The following PTPRD variants were observed in gnomAD, a reference collection of about 807,000 sequenced individuals.
PTPRD encodes the protein protein tyrosine phosphatase receptor type D, also known as receptor-type tyrosine-protein phosphatase delta.
In PTPRD, 34 loss-of-function variants were observed where a neutral mutation model predicts 214.5. The observed-to-expected ratio is 0.16, with a 90% confidence interval of 0.12 to 0.21. The LOEUF (loss-of-function observed/expected upper bound fraction) is 0.21. Ranked by LOEUF, PTPRD falls within the 10% of genes least tolerant of loss-of-function variation. The pLI is 1.00. For missense variants in PTPRD, 2,545 were observed against 2,398.7 expected, an observed-to-expected ratio of 1.06 and a Z score of -1.27; for synonymous variants, 1,128 against 845.7, an observed-to-expected ratio of 1.33 and a Z score of -5.79.
chr9:9,424,230 T>G (rs1441070011), intron 8 of PTPRD, among the ~76,000 whole-genome samples: 1 of 152,230 alleles, frequency 6.6e-6, no homozygotes, highest in Non-Finnish European at 1.5e-5. Context: ...CTCTGCCCAT[T>G]CAGACTTCTT....
At chr9:8,995,831 A>G (rs1210833377) in intron 11 of PTPRD, among the ~76,000 whole-genome samples, 1 of 152,078 alleles carries the variant, frequency 6.6e-6, no homozygotes, top group Non-Finnish European at 1.5e-5. Context: ...GTCTATTTCC[A>G]TGAGCTGAGG....
intron 11 of PTPRD, among the ~76,000 whole-genome samples, chr9:8,809,160 C>T (rs2096749806): frequency 6.6e-6 from 1 of 152,120 alleles, no homozygotes; most frequent in Non-Finnish European, 1.5e-5. Context: ...TATACTTCAT[C>T]TATCTCCACA....
chr9:10,037,360 T>C (rs2097203806), intron 3 of PTPRD, among the ~76,000 whole-genome samples: 1 of 151,860 alleles, frequency 6.6e-6, no homozygotes, highest in Non-Finnish European at 1.5e-5. Flanking sequence ...CAGGAGTGAG[T>C]AACAATGAGA....
chr9:9,484,534 G>T (rs150310551), intron 8 of PTPRD, among the ~76,000 whole-genome samples: 1 of 152,218 alleles, frequency 6.6e-6, no homozygotes, highest in African/African-American at 2.4e-5. Context: ...GTTTGTTGCT[G>T]AATGTAAATC....
At chr9:9,734,863 C>T (rs1402897603) in intron 6 of PTPRD, among the ~76,000 whole-genome samples, 1 of 151,902 alleles carries the variant, frequency 6.6e-6, no homozygotes, top group East Asian at 1.9e-4. Flanking sequence ...TCTTTAAGTT[C>T]TCAAAGAAGG....
intron 5 of PTPRD, among the ~76,000 whole-genome samples, chr9:9,885,460 G>C (rs1021195571): frequency 6.6e-6 from 1 of 152,062 alleles, no homozygotes; most frequent in Non-Finnish European, 1.5e-5. Flanking sequence ...AGGATCTGAG[G>C]AGTTTCCCTC....
intron 5 of PTPRD, among the ~76,000 whole-genome samples, chr9:9,923,799 T>G (rs1365164930): frequency 2.0e-5 from 3 of 151,896 alleles, no homozygotes; most frequent in Non-Finnish European, 4.4e-5. Context: ...TTTAGAAAGA[T>G]ACTAGAAGTT....
intron 5 of PTPRD, among the ~76,000 whole-genome samples, chr9:9,827,421 T>C (rs2053304131): frequency 6.6e-6 from 1 of 152,162 alleles, no homozygotes; most frequent in Non-Finnish European, 1.5e-5. Context: ...ATTCCCTATT[T>C]AATAAATGGT....
At chr9:9,789,357 G>A (rs2098950078) in intron 5 of PTPRD, among the ~76,000 whole-genome samples, 1 of 152,192 alleles carries the variant, frequency 6.6e-6, no homozygotes, top group Non-Finnish European at 1.5e-5. Flanking sequence ...TGCACTGGAT[G>A]TCACATAAGA....
intron 3 of PTPRD, among the ~76,000 whole-genome samples, chr9:10,231,989 A>AGAGAGAGAGAGAGTGTGTGTGT (rs1245284728): frequency 6.9e-4 from 64 of 92,490 alleles, no homozygotes; most frequent in African/African-American, 3.3e-3. Context: ...AGAGAGAGAG[A>AGAGAGAGAGAGAGTGTGTGTGT]GTGTGTGTGT....
chr9:9,331,591 G>A (rs1288943813), intron 9 of PTPRD, among the ~76,000 whole-genome samples: 2 of 151,888 alleles, frequency 1.3e-5, no homozygotes, highest in Non-Finnish European at 2.9e-5. Context: ...CTATAAAAGG[G>A]GTATGTTTTA....
At chr9:9,999,325 G>A (rs1023684583) in intron 4 of PTPRD, among the ~76,000 whole-genome samples, 2 of 152,180 alleles carry the variant, frequency 1.3e-5, no homozygotes, top group African/African-American at 4.8e-5. Context: ...TGGAGAAATA[G>A]AAGACCTTAG....
intron 8 of PTPRD, among the ~76,000 whole-genome samples, chr9:9,432,558 A>C (rs2083609135): frequency 6.6e-6 from 1 of 152,190 alleles, no homozygotes. Context: ...TTTACTTTGC[A>C]GCTCTCTCTG....
chr9:8,539,281 T>A (rs1434761042), intron 14 of PTPRD, among the ~76,000 whole-genome samples: 1 of 151,912 alleles, frequency 6.6e-6, no homozygotes, highest in African/African-American at 2.4e-5. Context: ...CTGTGAGAGA[T>A]TAAATGATAG....
At chr9:9,827,831 C>A (rs140297152) in intron 5 of PTPRD, among the ~76,000 whole-genome samples, 4,947 of 151,936 alleles carry the variant, frequency 0.033, 108 homozygotes, top group Middle Eastern at 0.062. Flanking sequence ...ACCCCATCAA[C>A]AAGTGGGTGA....
At chr9:9,658,401 C>G (rs1332310140) in intron 7 of PTPRD, among the ~76,000 whole-genome samples, 2 of 152,142 alleles carry the variant, frequency 1.3e-5, no homozygotes, top group Non-Finnish European at 2.9e-5. Flanking sequence ...TTAAAATTGA[C>G]TCTTCATTTT....
intron 40 of PTPRD, 22 bp from the exon 41 acceptor site, chr9:8,341,290 A>G (rs1190624637): frequency 6.4e-7 from 1 of 1,555,164 alleles, no homozygotes; most frequent in Non-Finnish European, 8.7e-7. Flanking sequence ...GAAAAAAAAA[A>G]AAGGAAAAAC....
At chr9:9,066,178 A>C (rs1352702516) in intron 10 of PTPRD, among the ~76,000 whole-genome samples, 3 of 152,042 alleles carry the variant, frequency 2.0e-5, no homozygotes, top group Admixed American at 2.0e-4. Flanking sequence ...ATGTTATCCT[A>C]CTCTCATAAA....
chr9:9,433,038 G>A (rs2083835238), intron 8 of PTPRD, among the ~76,000 whole-genome samples: 1 of 152,176 alleles, frequency 6.6e-6, no homozygotes, highest in South Asian at 2.1e-4. Context: ...GCAAGCGTGT[G>A]TATAAGAGTG....
Sources: gnomAD v4.1 joint callset for allele counts (sites outside exome capture counted in the v4.1 genomes callset) on GRCh38, gnomAD v4.1.1 for gene constraint, MANE v1.5 for transcripts, NCBI Gene and HGNC (gene_info 2026-07-23, HGNC 2026-07-21) for gene names.